CCDC136: variants seen among roughly 807,000 people sequenced by gnomAD.
CCDC136 encodes the protein coiled-coil domain-containing protein 136.
Under a neutral mutation model 141.2 loss-of-function variants are expected in CCDC136, and 100 were observed. The ratio of observed to expected loss-of-function variants is 0.71; its 90% CI spans 0.60 to 0.84. The LOEUF (loss-of-function observed/expected upper bound fraction) is 0.84. Among genes scored for constraint, CCDC136 ranks in the 40% least tolerant of loss-of-function variants. The pLI, the probability that CCDC136 is intolerant of heterozygous loss-of-function variation, is 0.00. For synonymous variants in CCDC136, 474 were observed against 531.9 expected (o/e 0.89, Z 1.50); for missense variants, 1,206 against 1,379.4 (o/e 0.87, Z 1.99).
At chr7:128,791,422 C>G, upstream of CCDC136, 1 of 1,151,970 alleles carries the variant, frequency 8.7e-7, no homozygotes, top group Non-Finnish European at 1.1e-6. The surrounding 1 kb of genome is among the most constrained non-coding windows in gnomAD (Gnocchi z 7.1). Flanking sequence ...TCCCTGCGCA[C>G]CCGGCTCGGG....
chr7:128,805,915 G>C lies in CCDC136; in HGVS notation c.1089+14G>C, dbSNP rs368626398. 5.0e-6 allele frequency: 8 copies of C among 1,613,510 alleles called. No individual in the cohort carries two copies. The East Asian group carries it at 1.1e-4, about 22-fold the overall frequency. ...AGTGTCACCCAGGTAAACACTGCCC[G>C]GGGAGGCATCTGGGGTGGGGGCAGA... On this transcript the variant is annotated intron_variant, in intron 7 of 17. Transcript: ENST00000297788. This position sits in a 1 kb window ranked among gnomAD's most constrained non-coding sequence, Gnocchi z 4.6.
upstream of CCDC136, chr7:128,791,324 C>T (rs1802132025): frequency 5.3e-6 from 2 of 377,544 alleles, no homozygotes; most frequent in Non-Finnish European, 4.5e-6. This position sits in a 1 kb window ranked among gnomAD's most constrained non-coding sequence, Gnocchi z 7.1. Context: ...CTCCCGAGTG[C>T]TGGGAGGGCT....
chr7:128,791,074 T>C, upstream of CCDC136: 1 of 165,240 alleles, frequency 6.1e-6, no homozygotes, highest in Non-Finnish European at 1.3e-5. The surrounding 1 kb of genome is among the most constrained non-coding windows in gnomAD (Gnocchi z 7.1). Context: ...GCCGTCCCCA[T>C]TGCTGAGCAT....
At position 128,812,190 on chromosome 7, in the gene CCDC136, A is replaced by G. The variant is rs1329382080; in HGVS notation, c.2419A>G (p.Thr807Ala). Residue 807 changes from threonine to alanine, a missense_variant, in exon 13 of 18, where the codon ACC becomes GCC. Coordinates refer to ENST00000297788, the MANE Select transcript of CCDC136 (RefSeq NM_022742.5). Reference sequence around the variant, plus strand: ...GGCCTATGGGAAGAGTTACTGCACTACCAGCAACAGCAGCATTACCTATAA... The same window carrying G: ...GGCCTATGGGAAGAGTTACTGCACTGCCAGCAACAGCAGCATTACCTATAA... Reference protein sequence around the residue: ...SEAYGKSYCTTSNSSITYKKS... With the variant: ...SEAYGKSYCTASNSSITYKKS... The G allele has an allele frequency of 6.2e-7, 1 of 1,614,004 alleles. No homozygotes were observed. Among genetic ancestry groups the G allele is most frequent in the Non-Finnish European group, 8.5e-7 (1 of 1,179,878 alleles).
rs755700540 is a variant in CCDC136, at chr7:128,801,353, C to T, written c.514C>T (p.Gln172Ter). 6.2e-7 allele frequency: 1 copy of T among 1,613,588 alleles called. No homozygotes were observed. Among genetic ancestry groups the T allele is most frequent in the African/African-American group, 1.3e-5 (1 of 75,030 alleles). ...TEHESDIASL[Q>*]EDLCRMQNEL... ...ACATGAGAGTGACATAGCATCCCTG[C>T]AGGAGGATCTCTGCCGGATGCAGAA... Residue 172 changes from glutamine to a stop codon, truncating the protein, a stop_gained, in exon 4 of 18, where the codon CAG becomes TAG. Transcript: ENST00000297788. LOFTEE classifies it high-confidence loss of function.
In CCDC136 at chr7:128,806,745, A is replaced by G; in HGVS notation, c.1306A>G (p.Lys436Glu). Residue 436 changes from lysine (K) to glutamate (E), a missense_variant, in exon 9 of 18, where the codon AAG (lysine) becomes GAG (glutamate). Coordinates refer to ENST00000297788, the MANE Select transcript of CCDC136 (RefSeq NM_022742.5). ...CCAGCACCAGAACGTCACATGTGAG[A>G]AGGAAAAGCTGCTGGAACGGCAGCA... ...HLQHQNVTCE[K>E]EKLLERQQQL... is the part of the protein sequence containing the mutation. The G allele has an allele frequency of 6.2e-7, 1 of 1,612,084 alleles. No individual in the cohort carries two copies. Among genetic ancestry groups the G allele is most frequent in the Non-Finnish European group, 8.5e-7 (1 of 1,179,524 alleles).
intron 4 of CCDC136, 52 bp downstream of exon 4, chr7:128,801,561 A>T (rs1223650798): frequency 8.0e-7 from 1 of 1,253,450 alleles, no homozygotes; most frequent in Non-Finnish European, 1.1e-6. Flanking sequence ...AAAGGAGATA[A>T]TATATAGGAA....
intron 4 of CCDC136, among the ~76,000 whole-genome samples, chr7:128,803,999 G>T (rs113848652): frequency 3.2e-4 from 48 of 152,178 alleles, no homozygotes; most frequent in Middle Eastern, 3.4e-3. Context: ...ATTTTTAGTA[G>T]AGACAGGGGT....
chr7:128,792,747 C>T (rs2128891530), intron 1 of CCDC136, among the ~76,000 whole-genome samples: 1 of 152,344 alleles, frequency 6.6e-6, no homozygotes, highest in South Asian at 2.1e-4. Context: ...TCCTCACTGC[C>T]TGCCGACCCA....
chr7:128,796,796 C>T (rs1212985907), intron 3 of CCDC136, among the ~76,000 whole-genome samples: 2 of 137,650 alleles, frequency 1.5e-5, no homozygotes, highest in Non-Finnish European at 3.1e-5. Flanking sequence ...GGCTGGAGTG[C>T]AGTGGCGGGA....
intron 3 of CCDC136, among the ~76,000 whole-genome samples, chr7:128,795,640 G>A (rs530335581): frequency 2.0e-4 from 30 of 152,214 alleles, no homozygotes; most frequent in Non-Finnish European, 3.1e-4. Context: ...GGCAGGACAC[G>A]TGTCACATAG....
At chr7:128,812,522 C>T (rs1805909997) in intron 13 of CCDC136, among the ~76,000 whole-genome samples, 186 bp from the exon 14 acceptor site, 2 of 151,976 alleles carry the variant, frequency 1.3e-5, no homozygotes, top group African/African-American at 4.8e-5. Context: ...GGACAGAGGC[C>T]CATAAGATTC....
upstream of CCDC136, chr7:128,791,491 G>A: frequency 7.6e-7 from 1 of 1,313,336 alleles, no homozygotes; most frequent in Non-Finnish European, 9.7e-7. This position sits in a 1 kb window ranked among gnomAD's most constrained non-coding sequence, Gnocchi z 7.1. Flanking sequence ...GGCGGGAGCG[G>A]TCATGGAGGC....
In CCDC136 at chr7:128,791,979, G is replaced by A. The variant is rs929986230; in HGVS notation, c.-433G>A. The A allele has an allele frequency of 4.3e-6, 5 of 1,153,116 alleles. No homozygotes were observed. The highest frequency in any genetic ancestry group is 5.3e-6 in the Non-Finnish European group (5 of 935,572). 71.4% of individuals were successfully genotyped at this position (1,153,116 alleles called of 1,614,324 possible). ...CCACTCCTCCCTCCCTCCATCTGTAGGCCACCTCAGCCTTTCAGCCTCTTC... is the reference window on the plus strand; with the variant it reads ...CCACTCCTCCCTCCCTCCATCTGTAAGCCACCTCAGCCTTTCAGCCTCTTC... On this transcript the variant is annotated 5_prime_UTR_variant, in exon 1 of 18. Coordinates refer to ENST00000297788, the MANE Select transcript of CCDC136 (RefSeq NM_022742.5). This position sits in a 1 kb window ranked among gnomAD's most constrained non-coding sequence, Gnocchi z 7.1.
chr7:128,791,932 C>T, upstream of CCDC136: 1 of 763,654 alleles, frequency 1.3e-6, no homozygotes, highest in Non-Finnish European at 1.7e-6. This position sits in a 1 kb window ranked among gnomAD's most constrained non-coding sequence, Gnocchi z 7.1. Context: ...CGGTCGCAGC[C>T]CTACCCCTTC....
chr7:128,813,004 G>T lies in CCDC136; in HGVS notation c.2763+75G>T, dbSNP rs1187334659. The T allele has an allele frequency of 1.1e-5, 11 of 965,716 alleles. No homozygotes were observed. The East Asian group carries it at 2.6e-4, about 23-fold the overall frequency. The allele number at this position is 965,716 out of a possible 1,614,324, so 59.8% of individuals were successfully genotyped here. On this transcript the variant is annotated intron_variant, in intron 14 of 17. Coordinates refer to ENST00000297788, the MANE Select transcript of CCDC136 (RefSeq NM_022742.5). Reference sequence around the variant, plus strand: ...TAGAGGTCATGGCCACTTCATAGAGGCTAAAGAGAGGGACAAAGCAGGGAG... The same window carrying T: ...TAGAGGTCATGGCCACTTCATAGAGTCTAAAGAGAGGGACAAAGCAGGGAG...
chr7:128,811,068 G>T (rs938480568), intron 12 of CCDC136, among the ~76,000 whole-genome samples: 1 of 152,208 alleles, frequency 6.6e-6, no homozygotes, highest in Non-Finnish European at 1.5e-5. Flanking sequence ...GCGTGGGCAA[G>T]GAGGGGCAGG....
At chr7:128,820,453 TG>T (rs1234723678) in intron 17 of CCDC136, among the ~76,000 whole-genome samples, 1 of 152,232 alleles carries the variant, frequency 6.6e-6, no homozygotes, top group African/African-American at 2.4e-5. Flanking sequence ...AGCTTGCCTT[TG>T]CCCAGTGTGA....
intron 3 of CCDC136, among the ~76,000 whole-genome samples, chr7:128,800,458 C>CTT (rs67467689): frequency 2.3e-3 from 313 of 137,722 alleles, no homozygotes; most frequent in Non-Finnish European, 3.7e-3. Flanking sequence ...ACCTGGCTTT[C>CTT]TTTTTTTTTT....
Sources: allele counts gnomAD v4.1 joint callset (sites outside exome capture counted in the v4.1 genomes callset), GRCh38; gene constraint gnomAD v4.1.1; non-coding constraint Gnocchi (gnomAD v3.1); transcripts MANE v1.5; gene names NCBI Gene and HGNC (gene_info 2026-07-23, HGNC 2026-07-21).